ASZ1: variants seen among roughly 807,000 people sequenced by gnomAD.
ASZ1 encodes the protein ankyrin repeat, SAM and basic leucine zipper domain containing 1.
Under a neutral mutation model 61.8 loss-of-function variants are expected in ASZ1, and 67 were observed. The observed-to-expected ratio is 1.08, with a 90% CI of 0.89 to 1.33. The LOEUF is 1.33. ASZ1 is among the 40% of genes most tolerant of loss of function. The probability of loss-of-function intolerance (pLI) is 0.00; values close to 1 mark genes in which losing one functional copy is unlikely to be tolerated. For missense variants in ASZ1, 577 were observed against 554.5 expected, an observed-to-expected ratio of 1.04 and a Z score of -0.41; for synonymous variants, 193 against 192.7, an observed-to-expected ratio of 1.00 and a Z score of -0.01.
At chr7:117,413,908 T>C (rs1300985108) in intron 4 of ASZ1, among the ~76,000 whole-genome samples, 1 of 152,100 alleles carries the variant, frequency 6.6e-6, no homozygotes, top group African/African-American at 2.4e-5. Context: ...ACCAAAATTG[T>C]GAGGGAATCT....
intron 10 of ASZ1, among the ~76,000 whole-genome samples, chr7:117,369,760 A>G (rs1562844543): frequency 6.6e-6 from 1 of 152,184 alleles, no homozygotes; most frequent in African/African-American, 2.4e-5. Context: ...AAGGAATTGA[A>G]TTTGGTGGTG....
chr7:117,372,422 C>T (rs139784295), intron 10 of ASZ1, among the ~76,000 whole-genome samples: 3 of 152,230 alleles, frequency 2.0e-5, no homozygotes, highest in African/African-American at 7.2e-5. Flanking sequence ...CCCATGAGAT[C>T]AGTATGTCCC....
At chr7:117,396,008 A>G (rs982640444) in intron 4 of ASZ1, among the ~76,000 whole-genome samples, 1 of 152,216 alleles carries the variant, frequency 6.6e-6, no homozygotes, top group African/African-American at 2.4e-5. Flanking sequence ...CCAACCTCTG[A>G]TTTAGAATGT....
chr7:117,366,478 A>C (rs769530002), intron 12 of ASZ1, among the ~76,000 whole-genome samples: 1 of 152,066 alleles, frequency 6.6e-6, no homozygotes, highest in African/African-American at 2.4e-5. Context: ...CTTTATAGAC[A>C]TCAAATTTAT....
chr7:117,396,523 T>C (rs1226753020), intron 4 of ASZ1, among the ~76,000 whole-genome samples: 2 of 152,232 alleles, frequency 1.3e-5, no homozygotes, highest in Non-Finnish European at 2.9e-5. Context: ...TTCTGGCATC[T>C]ATTATAATGA....
At chr7:117,394,719 C>T (rs1264103455) in intron 4 of ASZ1, among the ~76,000 whole-genome samples, 2 of 152,086 alleles carry the variant, frequency 1.3e-5, no homozygotes, top group African/African-American at 4.8e-5. Context: ...TTATACTTTC[C>T]ATTTCTTTAG....
intron 4 of ASZ1, among the ~76,000 whole-genome samples, chr7:117,409,530 G>A (rs1163122484): frequency 2.0e-5 from 3 of 151,688 alleles, no homozygotes; most frequent in Non-Finnish European, 3.0e-5. Context: ...TATATGTTCA[G>A]GAAGAACACA....
intron 4 of ASZ1, among the ~76,000 whole-genome samples, chr7:117,402,518 C>T (rs1796699327): frequency 6.6e-6 from 1 of 152,100 alleles, no homozygotes; most frequent in Non-Finnish European, 1.5e-5. Flanking sequence ...GGGTAACTGG[C>T]TATGTCCAAT....
At chr7:117,421,245 C>T (rs1363349757) in intron 3 of ASZ1, among the ~76,000 whole-genome samples, 3 of 152,192 alleles carry the variant, frequency 2.0e-5, no homozygotes, top group Non-Finnish European at 4.4e-5. Flanking sequence ...CAGTGTCTCA[C>T]TCTGTTGTCC....
chr7:117,393,773 C>T (rs1796522717), intron 4 of ASZ1, among the ~76,000 whole-genome samples: 1 of 152,088 alleles, frequency 6.6e-6, no homozygotes, highest in African/African-American at 2.4e-5. Flanking sequence ...GTTTATCATG[C>T]GTCCATAATA....
At chr7:117,377,693 C>G (rs1044516940) in intron 10 of ASZ1, among the ~76,000 whole-genome samples, 3 of 151,914 alleles carry the variant, frequency 2.0e-5, no homozygotes, top group Non-Finnish European at 2.9e-5. Flanking sequence ...CATAGAAAAG[C>G]TTTATCTAAA....
intron 4 of ASZ1, among the ~76,000 whole-genome samples, chr7:117,415,199 G>T (rs1192431254): frequency 6.6e-6 from 1 of 152,074 alleles, no homozygotes; most frequent in African/African-American, 2.4e-5. Context: ...GGCATGAGAT[G>T]GTATCTCTTT....
intron 4 of ASZ1, among the ~76,000 whole-genome samples, chr7:117,399,061 T>C (rs930650121): frequency 2.0e-5 from 3 of 152,068 alleles, no homozygotes; most frequent in African/African-American, 7.2e-5. Context: ...AGACTCTGTC[T>C]TTACAAAAAA....
intron 4 of ASZ1, among the ~76,000 whole-genome samples, chr7:117,386,586 C>T (rs891426817): frequency 1.3e-5 from 2 of 152,068 alleles, no homozygotes; most frequent in African/African-American, 2.4e-5. Context: ...AGACTCTGAG[C>T]CCAATTTTCC....
chr7:117,399,191 T>C (rs754686402), intron 4 of ASZ1, among the ~76,000 whole-genome samples: 2 of 152,012 alleles, frequency 1.3e-5, no homozygotes, highest in Non-Finnish European at 2.9e-5. Flanking sequence ...GATCACACCA[T>C]TGCACTCCAC....
At chr7:117,410,459 T>G (rs77405793) in intron 4 of ASZ1, among the ~76,000 whole-genome samples, 3,171 of 151,726 alleles carry the variant, frequency 0.021, 51 homozygotes, top group Non-Finnish European at 0.032. Flanking sequence ...ATGAAAATTA[T>G]GACTATTTTG....
intron 10 of ASZ1, among the ~76,000 whole-genome samples, chr7:117,377,982 C>A (rs776556193): frequency 2.0e-5 from 3 of 151,636 alleles, no homozygotes; most frequent in Non-Finnish European, 4.4e-5. Context: ...TTATCTATCC[C>A]CAGGTGAAAA....
At chr7:117,372,823 T>G (rs1302732972) in intron 10 of ASZ1, among the ~76,000 whole-genome samples, 1 of 152,182 alleles carries the variant, frequency 6.6e-6, no homozygotes, top group East Asian at 1.9e-4. Context: ...TAACTGACAT[T>G]GTGCTTCACA....
intron 7 of ASZ1, 22 bp downstream of exon 7, chr7:117,382,963 TG>T: frequency 6.6e-7 from 1 of 1,524,314 alleles, no homozygotes; most frequent in Non-Finnish European, 8.8e-7. Context: ...GGTATTCTGT[TG>T]AACTAAAACA....
Sources: gnomAD v4.1 joint callset for allele counts (sites outside exome capture counted in the v4.1 genomes callset) on GRCh38, gnomAD v4.1.1 for gene constraint, MANE v1.5 for transcripts, NCBI Gene and HGNC (gene_info 2026-07-23, HGNC 2026-07-21) for gene names.